Variants in MYH14 observed in about 807,000 individuals in gnomAD.
MYH14 encodes myosin-14.
In MYH14, 123 loss-of-function variants were observed where a neutral mutation model predicts 255.5. That is an observed-to-expected ratio of 0.48 (90% CI 0.42 to 0.56). The LOEUF is 0.56. Among genes scored for constraint, MYH14 ranks in the 20% least tolerant of loss-of-function variants. The pLI is 0.00. For synonymous variants in MYH14, 1,095 were observed against 1,161.2 expected (o/e 0.94, Z 1.16); for missense variants, 2,423 against 2,802.3 (o/e 0.86, Z 3.06).
chr19:50,290,879 CT>C lies in MYH14; in HGVS notation c.4966-7del. ...GTCTGACCCGGTCCCTCCTGACCTCCTCTCCAGCTGAGAGATGCAGAGGTGG... is the reference window on the plus strand; with the variant it reads ...GTCTGACCCGGTCCCTCCTGACCTCCCTCCAGCTGAGAGATGCAGAGGTGG... On this transcript the variant is annotated splice_polypyrimidine_tract_variant and splice_region_variant and intron_variant, in intron 35 of 42. Coordinates refer to ENST00000642316, the MANE Select transcript of MYH14 (RefSeq NM_001145809.2). 2.6e-6 allele frequency: 4 copies of C among 1,552,994 alleles called. No homozygotes were observed. The highest frequency in any genetic ancestry group is 1.4e-5 in the African/African-American group (1 of 73,420).
At position 50,286,558 on chromosome 19, in the gene MYH14, G is replaced by A. The variant is rs576482145; in HGVS notation, c.4616G>A (p.Arg1539His). ...RERAEAEGRE[R>H]EARALSLTRA... ...CGGGCCGAGGCAGAGGGCCGGGAGC[G>A]TGAGGCTCGGGCCCTGTCACTGACA... Residue 1539 changes from arginine (R) to histidine (H), a missense_variant, in exon 34 of 43, where the codon CGT becomes CAT. By Grantham distance (29) the Arg-to-His change is conservative. Around this residue, in one of 3 missense-constraint regions of MYH14, gnomAD observed 1,513 missense variants for 1,674.8 expected, o/e 0.90. Coordinates refer to ENST00000642316, the MANE Select transcript of MYH14 (RefSeq NM_001145809.2). 3.3e-5 allele frequency: 54 copies of A among 1,611,944 alleles called. No homozygotes were observed. The highest frequency in any genetic ancestry group is 6.7e-5 in the East Asian group (3 of 44,830).
Position 50,252,864 on chromosome 19 carries a change from G to C in MYH14, c.1945+111G>C, listed in dbSNP as rs2034455678. On this transcript the variant is annotated intron_variant, in intron 16 of 42. Transcript: ENST00000642316. This position sits in a 1 kb window ranked among gnomAD's most constrained non-coding sequence, Gnocchi z 4.2. ...GCGGAGGTCTGAACCTGAGTTTTCT[G>C]CTCAGACCCAGAATAGCCAGTGTCA... 2 of 686,046 alleles carry C rather than the reference G, an allele frequency of 2.9e-6. No homozygotes were observed. Among genetic ancestry groups the C allele is most frequent in the South Asian group, 1.9e-5 (1 of 53,464 alleles). The allele number at this position is 686,046 out of a possible 1,614,324, so 42.5% of individuals were successfully genotyped here.
At chr19:50,243,445 A>G (rs535158660) in intron 10 of MYH14, among the ~76,000 whole-genome samples, 1 of 152,204 alleles carries the variant, frequency 6.6e-6, no homozygotes, top group Non-Finnish European at 1.5e-5. Context: ...TCAAAAAAAA[A>G]AACAAGGTGA....
At chr19:50,264,330 C>T (rs2035005179) in intron 22 of MYH14, among the ~76,000 whole-genome samples, 1 of 152,186 alleles carries the variant, frequency 6.6e-6, no homozygotes. Context: ...ACTCAGTCTC[C>T]AGCCCCTCCA....
At chr19:50,222,551 C>T (rs1339612452) in intron 3 of MYH14, among the ~76,000 whole-genome samples, 10 of 150,982 alleles carry the variant, frequency 6.6e-5, no homozygotes, top group Non-Finnish European at 1.5e-4. Flanking sequence ...CAGTGCTGAT[C>T]GGTATTTGAT....
At position 50,266,820 on chromosome 19, in the gene MYH14, G is replaced by C. The variant is rs2035097716; in HGVS notation, c.2695-57G>C. On this transcript the variant is annotated intron_variant, in intron 22 of 42. Transcript: ENST00000642316. The surrounding 1 kb of genome is among the most constrained non-coding windows in gnomAD (Gnocchi z 4.1). ...AACCCAGAAACTCAAACCCCACTAAGAGTGTGAGGTCTTGGCGCCTGAAGT... is the reference window on the plus strand; with the variant it reads ...AACCCAGAAACTCAAACCCCACTAACAGTGTGAGGTCTTGGCGCCTGAAGT... 2 of 1,549,368 alleles carry C rather than the reference G, an allele frequency of 1.3e-6. No individual in the cohort carries two copies. Among genetic ancestry groups the C allele is most frequent in the Non-Finnish European group, 1.7e-6 (2 of 1,145,244 alleles).
At chr19:50,208,161 T>C (rs2031927424) in intron 1 of MYH14, among the ~76,000 whole-genome samples, 1 of 152,248 alleles carries the variant, frequency 6.6e-6, no homozygotes, top group Non-Finnish European at 1.5e-5. Flanking sequence ...GTGCCTGTAA[T>C]CCCAGCACTT....
In MYH14 at chr19:50,293,370, T is replaced by A; in HGVS notation, c.5345+49T>A. The A allele has an allele frequency of 6.5e-7, 1 of 1,546,766 alleles. No homozygotes were observed. Among genetic ancestry groups the A allele is most frequent in the Non-Finnish European group, 8.8e-7 (1 of 1,136,492 alleles). On this transcript the variant is annotated intron_variant, in intron 38 of 42. Coordinates refer to ENST00000642316, the MANE Select transcript of MYH14 (RefSeq NM_001145809.2). The surrounding 1 kb of genome is among the most constrained non-coding windows in gnomAD (Gnocchi z 4.1). The stretch of plus-strand genomic sequence containing the variant: ...GCTGAGGTACTGCGTCTGCAGGAGG[T>A]GAAGCTGGGGTAGGCTGGAGGTGGC...
intron 2 of MYH14, among the ~76,000 whole-genome samples, chr19:50,217,230 G>A (rs1441787026): frequency 6.6e-6 from 1 of 152,210 alleles, no homozygotes; most frequent in Non-Finnish European, 1.5e-5. Context: ...TTGTAGGAAT[G>A]CATCGTATGA....
At chr19:50,305,016 G>A (rs1014288980) in intron 40 of MYH14, among the ~76,000 whole-genome samples, 1 of 152,138 alleles carries the variant, frequency 6.6e-6, no homozygotes, top group African/African-American at 2.4e-5. Flanking sequence ...AGGTAAATGA[G>A]GCTTGAAGCA....
chr19:50,242,652 C>G (rs981254008), intron 10 of MYH14, among the ~76,000 whole-genome samples: 1 of 152,118 alleles, frequency 6.6e-6, no homozygotes, highest in African/African-American at 2.4e-5. Context: ...TTTCGATCCA[C>G]AAATCGTGAA....
At chr19:50,283,746 A>G (rs376975553) in intron 33 of MYH14, among the ~76,000 whole-genome samples, 4 of 152,142 alleles carry the variant, frequency 2.6e-5, no homozygotes, top group Non-Finnish European at 4.4e-5. Context: ...TTGTTAATTA[A>G]TGTTGTTTGT....
At chr19:50,292,413 C>T (rs765529801) in intron 37 of MYH14, 24 bp downstream of exon 37, 1 of 1,542,516 alleles carries the variant, frequency 6.5e-7, no homozygotes, top group Non-Finnish European at 8.7e-7. Flanking sequence ...AGGCTGGGCC[C>T]TGGGACAGGA....
At chr19:50,254,763 G>C (rs1367865901) in intron 16 of MYH14, among the ~76,000 whole-genome samples, 1 of 152,206 alleles carries the variant, frequency 6.6e-6, no homozygotes, top group Non-Finnish European at 1.5e-5. Flanking sequence ...ATCTCTGCTA[G>C]AGCTGCTTTG....
At chr19:50,218,672 C>T (rs923717405) in intron 3 of MYH14, among the ~76,000 whole-genome samples, 1 of 151,890 alleles carries the variant, frequency 6.6e-6, no homozygotes, top group Non-Finnish European at 1.5e-5. Context: ...TGGAAAAGTT[C>T]TTTGGTGGCG....
chr19:50,224,497 A>G (rs935696726), intron 6 of MYH14, among the ~76,000 whole-genome samples: 1 of 152,192 alleles, frequency 6.6e-6, no homozygotes, highest in African/African-American at 2.4e-5. Context: ...CGCATGTCCC[A>G]TGTTCTTCTG....
intron 1 of MYH14, among the ~76,000 whole-genome samples, chr19:50,210,140 C>T (rs942960468): frequency 7.0e-6 from 1 of 142,124 alleles, no homozygotes; most frequent in Non-Finnish European, 1.5e-5. Context: ...AACTGACCCT[C>T]TGAGCCTGGT....
intron 2 of MYH14, among the ~76,000 whole-genome samples, chr19:50,212,202 C>A (rs1298639757): frequency 6.6e-6 from 1 of 152,076 alleles, no homozygotes; most frequent in Non-Finnish European, 1.5e-5. Context: ...TGACGGAGCC[C>A]CACCCCAGAA....
At chr19:50,246,125 TTCCTTCCC>T (rs1386725457) in intron 11 of MYH14, among the ~76,000 whole-genome samples, 2 of 121,050 alleles carry the variant, frequency 1.7e-5, no homozygotes, top group Non-Finnish European at 3.3e-5. Context: ...CCTTCCTTCC[TTCCTTCCC>T]TCCTTCCTTC....
Sources: gnomAD v4.1 joint callset for allele counts (sites outside exome capture counted in the v4.1 genomes callset) on GRCh38, gnomAD v4.1.1 for gene constraint, gnomAD v4.1.1 regional missense constraint, Gnocchi (gnomAD v3.1) non-coding constraint, MANE v1.5 for transcripts, NCBI Gene and HGNC (gene_info 2026-07-23, HGNC 2026-07-21) for gene names.